The following KCNAB1 variants were observed in gnomAD, a reference collection of about 807,000 sequenced individuals.
KCNAB1 encodes the protein potassium voltage-gated channel subfamily A regulatory beta subunit 1.
Under a neutral mutation model 64.6 loss-of-function variants are expected in KCNAB1, and 35 were observed. That is an observed-to-expected ratio of 0.54 (90% confidence interval 0.41 to 0.72). The LOEUF (loss-of-function observed/expected upper bound fraction) is 0.72, where lower values mean the gene tolerates loss of function less well. Among genes scored for constraint, KCNAB1 ranks in the 30% least tolerant of loss-of-function variants. The probability of loss-of-function intolerance (pLI) is 0.00; values close to 1 mark genes in which losing one functional copy is unlikely to be tolerated. For missense variants in KCNAB1, 401 were observed against 512.9 expected, an observed-to-expected ratio of 0.78 and a Z score of 2.11; for synonymous variants, 177 against 183.8, an observed-to-expected ratio of 0.96 and a Z score of 0.30.
At chr3:156,256,365 C>CT (rs1231193818) in intron 1 of KCNAB1, among the ~76,000 whole-genome samples, 1 of 152,218 alleles carries the variant, frequency 6.6e-6, no homozygotes, top group Non-Finnish European at 1.5e-5. Context: ...GTTCAGCTAT[C>CT]TCTTAGGAAA....
intron 1 of KCNAB1, among the ~76,000 whole-genome samples, chr3:156,271,163 G>A (rs905580138): frequency 8.5e-5 from 13 of 152,082 alleles, no homozygotes; most frequent in South Asian, 2.1e-4. Flanking sequence ...TTTTGAGGTA[G>A]CCTTCTTTGG....
chr3:156,371,955 G>T (rs1726332676), intron 1 of KCNAB1, among the ~76,000 whole-genome samples: 3 of 152,114 alleles, frequency 2.0e-5, no homozygotes, highest in Non-Finnish European at 4.4e-5. Context: ...GTAGCAAACT[G>T]TTGATAAAAC....
chr3:156,141,798 G>A (rs1018685998), intron 1 of KCNAB1, among the ~76,000 whole-genome samples: 1 of 152,200 alleles, frequency 6.6e-6, no homozygotes, highest in Admixed American at 6.5e-5. Flanking sequence ...TGTGATTGCT[G>A]TGTCATATAG....
At chr3:156,355,545 A>C (rs1223163547) in intron 1 of KCNAB1, among the ~76,000 whole-genome samples, 2 of 151,594 alleles carry the variant, frequency 1.3e-5, no homozygotes, top group African/African-American at 4.9e-5. Context: ...CTGCAAATTC[A>C]TAGTGGGTTT....
chr3:156,253,374 G>C (rs970268170), intron 1 of KCNAB1, among the ~76,000 whole-genome samples: 1 of 152,192 alleles, frequency 6.6e-6, no homozygotes, highest in Non-Finnish European at 1.5e-5. Context: ...CTCCAGGGCT[G>C]ATGAGCCATT....
intron 1 of KCNAB1, among the ~76,000 whole-genome samples, chr3:156,354,047 A>ATGTGTGTGTGTGTGTGTGTGTG (rs368761986): frequency 7.3e-6 from 1 of 137,566 alleles, no homozygotes; most frequent in African/African-American, 2.7e-5. Flanking sequence ...GTGTATATAT[A>ATGTGTGTGTGTGTGTGTGTGTG]TGTGTGTGTG....
chr3:156,425,409 G>A (rs776704468), intron 2 of KCNAB1, among the ~76,000 whole-genome samples: 6 of 152,238 alleles, frequency 3.9e-5, no homozygotes, highest in Non-Finnish European at 7.4e-5. Flanking sequence ...TGGTACATCC[G>A]AAAGAACACA....
intron 1 of KCNAB1, chr3:156,143,334 C>G (rs774915458): frequency 6.2e-7 from 1 of 1,612,346 alleles, no homozygotes; most frequent in Non-Finnish European, 8.5e-7. Context: ...GTGGAGCAGC[C>G]GAACAGAAAT....
At chr3:156,346,568 T>A (rs1012481523) in intron 1 of KCNAB1, among the ~76,000 whole-genome samples, 3 of 152,226 alleles carry the variant, frequency 2.0e-5, no homozygotes, top group African/African-American at 7.2e-5. Flanking sequence ...CATTGTCTCT[T>A]AAATGCTTTA....
chr3:156,287,872 T>C (rs1720185788), intron 1 of KCNAB1, among the ~76,000 whole-genome samples: 1 of 152,072 alleles, frequency 6.6e-6, no homozygotes, highest in South Asian at 2.1e-4. Flanking sequence ...ATAGTTATCA[T>C]GATCTAATAA....
At chr3:156,370,854 G>A (rs746366666) in intron 1 of KCNAB1, among the ~76,000 whole-genome samples, 1 of 152,182 alleles carries the variant, frequency 6.6e-6, no homozygotes, top group African/African-American at 2.4e-5. Flanking sequence ...TAGGAGAACC[G>A]CCTTACACAT....
At chr3:156,222,639 C>T (rs1715857739) in intron 1 of KCNAB1, among the ~76,000 whole-genome samples, 1 of 152,188 alleles carries the variant, frequency 6.6e-6, no homozygotes, top group East Asian at 1.9e-4. Flanking sequence ...TTCTATTCAT[C>T]AGCACATGGA....
chr3:156,267,408 C>T (rs926143511), intron 1 of KCNAB1, among the ~76,000 whole-genome samples: 1 of 152,180 alleles, frequency 6.6e-6, no homozygotes, highest in African/African-American at 2.4e-5. Context: ...GCCTAAAATA[C>T]TATTTGTACC....
At chr3:156,195,419 C>G (rs899465404) in intron 1 of KCNAB1, among the ~76,000 whole-genome samples, 1 of 152,318 alleles carries the variant, frequency 6.6e-6, no homozygotes, top group African/African-American at 2.4e-5. Flanking sequence ...AAAAGCCTTC[C>G]TATTTCTCCA....
At chr3:156,496,303 T>C (rs1230056794) in intron 8 of KCNAB1, among the ~76,000 whole-genome samples, 1 of 152,172 alleles carries the variant, frequency 6.6e-6, no homozygotes, top group Non-Finnish European at 1.5e-5. Context: ...CCCACGTGTC[T>C]TGGGAGAGAC....
chr3:156,180,242 A>C lies in KCNAB1; in HGVS notation c.275+59356A>C, dbSNP rs576480669. On this transcript the variant is annotated intron_variant, in intron 1 of 13. Coordinates refer to ENST00000490337, the MANE Select transcript of KCNAB1 (RefSeq NM_172160.3). ...ATTTCCATTTTACAGATAAGGAAGC[A>C]GACTTGGAGAGGTGAAATAATCTGA... Among the ~76,000 whole-genome samples the C allele has an allele frequency of 9.8e-5, 15 of 152,362 alleles. 2 individuals carry two copies. The South Asian group carries it at 2.9e-3, about 29-fold the overall frequency.
Position 156,474,826 on chromosome 3 carries a change from T to A in KCNAB1, c.658+6T>A, listed in dbSNP as rs1283049753. The A allele has an allele frequency of 6.2e-7, 1 of 1,603,258 alleles. No individual in the cohort carries two copies. Among genetic ancestry groups the A allele is most frequent in the South Asian group, 1.1e-5 (1 of 90,852 alleles). On this transcript the variant is annotated splice_donor_region_variant and intron_variant, in intron 8 of 13. Transcript: ENST00000490337. ...CAGTAACACTCCCATGGAAGGTAAG[T>A]TAAGAAAGCTAATAAAATACTCTAG... is the stretch of plus-strand genomic sequence containing the variant.
chr3:156,310,332 G>A lies in KCNAB1; in HGVS notation c.276-111284G>A, dbSNP rs1721806037. On this transcript the variant is annotated intron_variant, in intron 1 of 13. Coordinates refer to ENST00000490337, the MANE Select transcript of KCNAB1 (RefSeq NM_172160.3). ...GGCTGCTGTAGGGTGTGGAGGAAGG[G>A]TCAGGAGAGAGATGGGTGGTATGAC... is the stretch of plus-strand genomic sequence containing the variant. Among the ~76,000 whole-genome samples, 20 of 152,256 alleles carry A rather than the reference G, an allele frequency of 1.3e-4. No homozygotes were observed. The South Asian group carries it at 3.7e-3, about 28-fold the overall frequency.
At chr3:156,256,142 T>A (rs186579852) in intron 1 of KCNAB1, among the ~76,000 whole-genome samples, 563 of 152,340 alleles carry the variant, frequency 3.7e-3, no homozygotes, top group Admixed American at 7.5e-3. Flanking sequence ...TTTCTTTAGG[T>A]TTTTTGTGGA....
Sources: gnomAD v4.1 joint callset for allele counts (sites outside exome capture counted in the v4.1 genomes callset) on GRCh38, gnomAD v4.1.1 for gene constraint, MANE v1.5 for transcripts, NCBI Gene and HGNC (gene_info 2026-07-23, HGNC 2026-07-21) for gene names.